The following ATP13A3 variants were observed in gnomAD, a reference collection of about 807,000 sequenced individuals.
The protein encoded by ATP13A3 is polyamine-transporting ATPase 13A3.
In ATP13A3, 59 loss-of-function variants were observed where a neutral mutation model predicts 158.1. The ratio of observed to expected loss-of-function variants is 0.37; its 90% CI spans 0.30 to 0.46. The LOEUF (loss-of-function observed/expected upper bound fraction) is 0.46. ATP13A3 is among the 20% of genes least tolerant of loss of function. The pLI is 1.00. For missense variants in ATP13A3, 1,166 were observed against 1,525.2 expected (o/e 0.76, Z 3.92); for synonymous variants, 491 against 504.3 (o/e 0.97, Z 0.35).
chr3:194,421,112 G>GTATATATATATATATA (rs1491202894), intron 30 of ATP13A3, among the ~76,000 whole-genome samples: 1 of 6,216 alleles, frequency 1.6e-4, no homozygotes, highest in Non-Finnish European at 2.7e-4. Flanking sequence ...AGTGTGTAGG[G>GTATATATATATATATA]TGTATATATA....
At chr3:194,450,797 G>T (rs1354313680) in intron 10 of ATP13A3, 1 of 152,106 alleles carries the variant, frequency 6.6e-6, no homozygotes, top group Non-Finnish European at 1.5e-5. Flanking sequence ...ACTCTTTTTA[G>T]ATATTATTTT....
At position 194,431,229 on chromosome 3, in the gene ATP13A3, G is replaced by A. The variant is rs773909833; in HGVS notation, c.2422-3C>T. 1.3e-6 allele frequency: 2 copies of A among 1,592,810 alleles called. No individual in the cohort carries two copies. Among genetic ancestry groups the A allele is most frequent in the East Asian group, 4.5e-5 (2 of 44,352 alleles). Reference sequence around the variant, plus strand: ...TGGACCAATTTAACCGGAATAGCCTGTGTATATGAGACATTGGGAACAATA... The same window carrying A: ...TGGACCAATTTAACCGGAATAGCCTATGTATATGAGACATTGGGAACAATA... On this transcript the variant is annotated splice_polypyrimidine_tract_variant and splice_region_variant and intron_variant, in intron 22 of 33. Coordinates refer to ENST00000645319, the MANE Select transcript of ATP13A3 (RefSeq NM_001367549.1).
chr3:194,474,254 C>T (rs1393892614), intron 2 of ATP13A3, among the ~76,000 whole-genome samples: 1 of 152,078 alleles, frequency 6.6e-6, no homozygotes, highest in Admixed American at 6.5e-5. Context: ...ACCTCAACTC[C>T]TCAGCTCAAG....
At chr3:194,488,410 T>G (rs1317087924), upstream of ATP13A3, 1 of 152,260 alleles carries the variant, frequency 6.6e-6, no homozygotes, top group Non-Finnish European at 1.5e-5. This position sits in a 1 kb window ranked among gnomAD's most constrained non-coding sequence, Gnocchi z 4.1. Flanking sequence ...CAAGCCAACC[T>G]CCTCCTGAAG....
chr3:194,472,099 G>C (rs61437873), intron 2 of ATP13A3: 19,663 of 152,622 alleles, frequency 0.13, 3,394 homozygotes, highest in African/African-American at 0.4. Context: ...CCTGCACCTC[G>C]ACGCCATCTG....
intron 21 of ATP13A3, 92 bp downstream of exon 21, chr3:194,433,680 A>T (rs1717414043): frequency 6.7e-7 from 1 of 1,494,178 alleles, no homozygotes. Context: ...TAGACTATAT[A>T]ATATGATTTT....
chr3:194,479,594 T>A lies in ATP13A3; in HGVS notation c.-47+6200A>T, dbSNP rs59827567. Among the ~76,000 whole-genome samples, 214 of 151,164 alleles carry A rather than the reference T, an allele frequency of 1.4e-3. 2 individuals carry two copies. Among genetic ancestry groups the A allele is most frequent in the East Asian group, 6.4e-3 (33 of 5,158 alleles). ...AAATAAAGTAAAATAAAATAAAATT[T>A]AAAAAAAAGAAAAATCTTCGGTCTA... On this transcript the variant is annotated intron_variant, in intron 2 of 33. Transcript: ENST00000645319.
intron 31 of ATP13A3, among the ~76,000 whole-genome samples, chr3:194,418,507 C>T (rs1716057159): frequency 6.6e-6 from 1 of 151,788 alleles, no homozygotes; most frequent in Admixed American, 6.6e-5. Context: ...AAAAAATTGG[C>T]CAAAGGCATG....
intron 20 of ATP13A3, among the ~76,000 whole-genome samples, chr3:194,435,183 A>C (rs1717534974): frequency 6.6e-6 from 1 of 152,224 alleles, no homozygotes; most frequent in Non-Finnish European, 1.5e-5. Flanking sequence ...TGAGAAAATT[A>C]ATATAAATGA....
chr3:194,477,703 G>A (rs1324403241), intron 2 of ATP13A3, among the ~76,000 whole-genome samples: 1 of 152,222 alleles, frequency 6.6e-6, no homozygotes, highest in African/African-American at 2.4e-5. Flanking sequence ...GAGAGGATAT[G>A]GGGAGTGGAC....
At chr3:194,429,004 C>T (rs1156873923) in intron 27 of ATP13A3, 87 bp from the exon 28 acceptor site, 3 of 850,618 alleles carry the variant, frequency 3.5e-6, no homozygotes, top group East Asian at 2.9e-5. Flanking sequence ...TGGATTTTCC[C>T]TATAATGACA....
At chr3:194,461,470 A>G (rs1291367635) in intron 3 of ATP13A3, among the ~76,000 whole-genome samples, 2 of 152,198 alleles carry the variant, frequency 1.3e-5, no homozygotes, top group Non-Finnish European at 2.9e-5. Flanking sequence ...TTAATCTACT[A>G]TTTCCCAAAT....
upstream of ATP13A3, among the ~76,000 whole-genome samples, chr3:194,490,099 C>T (rs1721128181): frequency 6.6e-6 from 1 of 152,166 alleles, no homozygotes; most frequent in African/African-American, 2.4e-5. The surrounding 1 kb of genome is among the most constrained non-coding windows in gnomAD (Gnocchi z 4.4). Context: ...GCATCTTCTT[C>T]ATCCTCAAAA....
intron 15 of ATP13A3, 89 bp from the exon 16 acceptor site, chr3:194,441,550 A>G: frequency 8.0e-7 from 1 of 1,246,182 alleles, no homozygotes; most frequent in Non-Finnish European, 1.1e-6. Flanking sequence ...GTAATTAAAA[A>G]AAAAATCTTT....
upstream of ATP13A3, among the ~76,000 whole-genome samples, chr3:194,490,938 G>T (rs894158017): frequency 1.3e-5 from 2 of 152,210 alleles, no homozygotes; most frequent in Admixed American, 1.3e-4. The surrounding 1 kb of genome is among the most constrained non-coding windows in gnomAD (Gnocchi z 4.4). Context: ...CTGAGGTTGG[G>T]AGTTTGAGAT....
At chr3:194,445,094 C>T (rs1456092101) in intron 14 of ATP13A3, among the ~76,000 whole-genome samples, 1 of 151,890 alleles carries the variant, frequency 6.6e-6, no homozygotes. Context: ...CACCAGTTAA[C>T]CTATCTTATC....
upstream of ATP13A3, chr3:194,487,093 GGAGGGGCGGGGC>G (rs1366994992): frequency 6.6e-6 from 1 of 151,956 alleles, no homozygotes; most frequent in Admixed American, 6.6e-5. Context: ...GAAGGGGCGG[GGAGGGGCGGGGC>G]GATTTATAGG....
chr3:194,409,939 G>A (rs994196835), intron 33 of ATP13A3, among the ~76,000 whole-genome samples: 1 of 151,842 alleles, frequency 6.6e-6, no homozygotes, highest in African/African-American at 2.4e-5. Flanking sequence ...GTCACTTTGT[G>A]CTGGGAGGTT....
intron 2 of ATP13A3, among the ~76,000 whole-genome samples, chr3:194,472,650 T>G (rs989160144): frequency 7.2e-5 from 11 of 152,206 alleles, no homozygotes; most frequent in African/African-American, 2.7e-4. Context: ...TTACTAGGTA[T>G]ATATCCAAAG....
Sources: allele counts gnomAD v4.1 joint callset (sites outside exome capture counted in the v4.1 genomes callset), GRCh38; gene constraint gnomAD v4.1.1; non-coding constraint Gnocchi (gnomAD v3.1); transcripts MANE v1.5; gene names NCBI Gene and HGNC (gene_info 2026-07-23, HGNC 2026-07-21).